The following GALNT11 variants were observed in gnomAD, a reference collection of about 807,000 sequenced individuals.
GALNT11 encodes the protein polypeptide N-acetylgalactosaminyltransferase 11.
GALNT11 carries 47 observed loss-of-function variants against 72.7 expected under a neutral mutation model. The observed-to-expected ratio is 0.65, with a 90% CI of 0.51 to 0.82. GALNT11 has a LOEUF of 0.82. Ranked by LOEUF, GALNT11 falls within the 40% of genes least tolerant of loss-of-function variation. The pLI is 0.00. For missense variants in GALNT11, 677 were observed against 778.4 expected, an observed-to-expected ratio of 0.87 and a Z score of 1.55; for synonymous variants, 270 against 286.6, an observed-to-expected ratio of 0.94 and a Z score of 0.58.
chr7:152,114,404 C>CT (rs2088615114), intron 8 of GALNT11, among the ~76,000 whole-genome samples: 1 of 152,160 alleles, frequency 6.6e-6, no homozygotes, highest in Non-Finnish European at 1.5e-5. Flanking sequence ...GTGGTCTTTT[C>CT]TGTCTGGCTT....
At chr7:152,077,335 G>A (rs969615990) in intron 1 of GALNT11, among the ~76,000 whole-genome samples, 3 of 152,212 alleles carry the variant, frequency 2.0e-5, no homozygotes, top group African/African-American at 7.2e-5. Context: ...CCAGAGACGT[G>A]AGCCTCTGAC....
Position 152,094,053 on chromosome 7 carries a change from A to T in GALNT11, c.-38-137A>T. 1.4e-6 allele frequency: 1 copy of T among 727,068 alleles called. No individual in the cohort carries two copies. Among genetic ancestry groups the T allele is most frequent in the Non-Finnish European group, 2.2e-6 (1 of 452,128 alleles). 45.0% of individuals were successfully genotyped at this position (727,068 alleles called of 1,614,324 possible). A position where few individuals can be genotyped will look rare whatever the true frequency, so the allele number is the denominator to read the frequency against. ...TTTTTAAAAACTCAGTACTATCCAT[A>T]CATCTTCTTGTATTTGAATATCCGT... On this transcript the variant is annotated intron_variant, in intron 1 of 11. Transcript: ENST00000430044. This position sits in a 1 kb window ranked among gnomAD's most constrained non-coding sequence, Gnocchi z 4.3.
intron 1 of GALNT11, among the ~76,000 whole-genome samples, chr7:152,027,888 G>GT (rs921297470): frequency 6.6e-6 from 1 of 152,126 alleles, no homozygotes; most frequent in African/African-American, 2.4e-5. Context: ...CACGTCTGGA[G>GT]TTGTTTTTTC....
intron 1 of GALNT11, among the ~76,000 whole-genome samples, chr7:152,042,554 G>A (rs1275718890): frequency 6.6e-6 from 1 of 152,222 alleles, no homozygotes; most frequent in South Asian, 2.1e-4. Flanking sequence ...GCTTAACAAT[G>A]GCCGCCATCA....
intron 1 of GALNT11, among the ~76,000 whole-genome samples, chr7:152,074,586 T>C (rs2084840619): frequency 6.6e-6 from 1 of 152,210 alleles, no homozygotes; most frequent in Admixed American, 6.5e-5. Context: ...TCCAGCTTTA[T>C]AACTTTTTTT....
rs562328259 is a variant in GALNT11 at position 152,074,961 on chromosome 7, T to C, written c.-38-19229T>C. ...TTTTTTTCCCCTGGAGCAAATGACT[T>C]TGTGGCAGAGAAAACTCTGGGCTTA... On this transcript the variant is annotated intron_variant, in intron 1 of 11. Coordinates refer to ENST00000430044, the MANE Select transcript of GALNT11 (RefSeq NM_022087.4). 4.6e-5 allele frequency: 7 copies of C among 152,266 alleles called. No individual in the cohort carries two copies. The East Asian group carries it at 1.4e-3, about 29-fold the overall frequency. 9.4% of individuals were successfully genotyped at this position (152,266 alleles called of 1,614,324 possible).
At position 152,113,340 on chromosome 7, in the gene GALNT11, AGG is replaced by A; in HGVS notation, c.1176_1177del (p.Asp393HisfsTer16). The A allele has an allele frequency of 6.2e-7, 1 of 1,614,128 alleles. No individual in the cohort carries two copies. Among genetic ancestry groups the A allele is most frequent in the Non-Finnish European group, 8.5e-7 (1 of 1,180,008 alleles). ...CGACCATATGGATCTCCCGAAGGCC[AGG>A]ACACCATGACACACAACTCTTTGCG... On this transcript the variant is annotated frameshift_variant, in exon 8 of 12. Coordinates refer to ENST00000430044, the MANE Select transcript of GALNT11 (RefSeq NM_022087.4). LOFTEE classifies it high-confidence loss of function.
In GALNT11 at chr7:152,113,345, A is replaced by C; in HGVS notation, c.1180A>C (p.Thr394Pro). 8 of 1,614,122 alleles carry C rather than the reference A, an allele frequency of 5.0e-6. No individual in the cohort carries two copies. Among genetic ancestry groups the C allele is most frequent in the Non-Finnish European group, 6.8e-6 (8 of 1,180,016 alleles). ...RPYGSPEGQD[T>P]MTHNSLRLAH... ...ATATGGATCTCCCGAAGGCCAGGAC[A>C]CCATGACACACAACTCTTTGCGGCT... The change falls in exon 8 of 12, where the codon ACC becomes CCC. Residue 394 changes from threonine to proline, a missense_variant. By Grantham distance (38) the Thr-to-Pro change is conservative (BLOSUM62 -1). Transcript: ENST00000430044.
intron 1 of GALNT11, among the ~76,000 whole-genome samples, chr7:152,092,966 C>T (rs558162100): frequency 2.6e-5 from 4 of 152,298 alleles, no homozygotes; most frequent in Middle Eastern, 3.4e-3. Context: ...GGTGGCCTCA[C>T]GCCTGTAATC....
intron 1 of GALNT11, among the ~76,000 whole-genome samples, chr7:152,060,625 C>A (rs56294363): frequency 0.049 from 7,453 of 151,944 alleles, 629 homozygotes; most frequent in African/African-American, 0.17. Flanking sequence ...TCCCTCCCCC[C>A]CCTCCACCCC....
intron 1 of GALNT11, among the ~76,000 whole-genome samples, chr7:152,050,135 A>C (rs988530829): frequency 6.6e-6 from 1 of 151,974 alleles, no homozygotes; most frequent in Non-Finnish European, 1.5e-5. Flanking sequence ...AGGCTGCAAG[A>C]CAAAGTCCCC....
rs556983028 is a variant in GALNT11 at position 152,040,520 on chromosome 7, A to G, written c.-39+14636A>G. Among the ~76,000 whole-genome samples the G allele has an allele frequency of 5.4e-4, 82 of 152,354 alleles. 1 individual carries two copies. Among genetic ancestry groups the G allele is most frequent in the South Asian group, 3.9e-3 (19 of 4,830 alleles). ...TAGCATTAGATATTACTTTAGCAACAAGGCGATCAGCCATTTGATTCCCTT... is the reference window on the plus strand; with the variant it reads ...TAGCATTAGATATTACTTTAGCAACGAGGCGATCAGCCATTTGATTCCCTT... On this transcript the variant is annotated intron_variant, in intron 1 of 11. Coordinates refer to ENST00000430044, the MANE Select transcript of GALNT11 (RefSeq NM_022087.4).
chr7:152,091,442 A>G (rs960930639), intron 1 of GALNT11, among the ~76,000 whole-genome samples: 10 of 152,082 alleles, frequency 6.6e-5, no homozygotes, highest in African/African-American at 2.2e-4. Flanking sequence ...GGGTTTCACC[A>G]TGTTGGCCGG....
chr7:152,062,928 T>G (rs1173682251), intron 1 of GALNT11, among the ~76,000 whole-genome samples: 1 of 152,174 alleles, frequency 6.6e-6, no homozygotes, highest in East Asian at 1.9e-4. Flanking sequence ...AAAATTCTCT[T>G]TTTTTGTTGT....
chr7:152,117,527 A>G, intron 9 of GALNT11, 152 bp downstream of exon 9: 1 of 735,002 alleles, frequency 1.4e-6, no homozygotes, highest in South Asian at 1.8e-5. Flanking sequence ...CTTTATGGGA[A>G]CTTCTCTACG....
intron 1 of GALNT11, among the ~76,000 whole-genome samples, chr7:152,058,275 T>A (rs967584324): frequency 6.6e-6 from 1 of 152,192 alleles, no homozygotes. Flanking sequence ...GAGTCTTGCC[T>A]TAACATTGAT....
At position 152,094,183 on chromosome 7, in the gene GALNT11, T is replaced by C. The variant is rs779777749; in HGVS notation, c.-38-7T>C. Reference sequence around the variant, plus strand: ...AAGTGTCTAACATATTTATTCTTCTTTTTTAGGAAATTGACAATGGCCCTT... The same window carrying C: ...AAGTGTCTAACATATTTATTCTTCTCTTTTAGGAAATTGACAATGGCCCTT... On this transcript the variant is annotated splice_polypyrimidine_tract_variant and splice_region_variant and intron_variant, in intron 1 of 11. Transcript: ENST00000430044. The surrounding 1 kb of genome is among the most constrained non-coding windows in gnomAD (Gnocchi z 4.3). The C allele has an allele frequency of 1.3e-6, 2 of 1,528,776 alleles. No individual in the cohort carries two copies. Among genetic ancestry groups the C allele is most frequent in the Non-Finnish European group, 1.8e-6 (2 of 1,139,442 alleles). 94.7% of individuals were successfully genotyped at this position (1,528,776 alleles called of 1,614,324 possible).
chr7:152,051,199 G>GTTTTTTTTTT (rs35668155), intron 1 of GALNT11, among the ~76,000 whole-genome samples: 3 of 46,808 alleles, frequency 6.4e-5, no homozygotes, highest in Non-Finnish European at 9.8e-5. Flanking sequence ...ATATCTGGTT[G>GTTTTTTTTTT]TTTTTTTTTT....
Position 152,118,751 on chromosome 7 carries a change from T to C in GALNT11, c.1526T>C (p.Leu509Pro). ...RPSQKGGLVV[L>P]KACDYSDPNQ... ...AGTCAGAAGGGAGGTCTCGTGGTGC[T>C]TAAGGCCTGTGACTACAGTGACCCA... is the stretch of plus-strand genomic sequence containing the variant. Residue 509 changes from leucine (L) to proline (P), a missense_variant, in exon 10 of 12, where the codon CTT (leucine) becomes CCT (proline). Physicochemically the swap from Leu to Pro is moderately conservative, Grantham distance 98 (BLOSUM62 -3). Coordinates refer to ENST00000430044, the MANE Select transcript of GALNT11 (RefSeq NM_022087.4). The C allele has an allele frequency of 2.5e-6, 4 of 1,610,270 alleles. No homozygotes were observed. The highest frequency in any genetic ancestry group is 8.5e-7 in the Non-Finnish European group (1 of 1,178,902).
Sources: gnomAD v4.1 joint callset for allele counts (sites outside exome capture counted in the v4.1 genomes callset) on GRCh38, gnomAD v4.1.1 for gene constraint, Gnocchi (gnomAD v3.1) non-coding constraint, MANE v1.5 for transcripts, NCBI Gene and HGNC (gene_info 2026-07-23, HGNC 2026-07-21) for gene names.